Variants in CFH observed in about 807,000 individuals in gnomAD.
CFH encodes H factor 1 (complement).
Under a neutral mutation model 147.3 loss-of-function variants are expected in CFH, and 53 were observed. That is an observed-to-expected ratio of 0.36 (90% CI 0.29 to 0.45). The LOEUF (loss-of-function observed/expected upper bound fraction) is 0.45, where lower values mean the gene tolerates loss of function less well. Ranked by LOEUF, CFH falls within the 20% of genes least tolerant of loss-of-function variation. The pLI is 1.00. For synonymous variants in CFH, 536 were observed against 489.4 expected (o/e 1.10, Z -1.26); for missense variants, 1,380 against 1,498.0 (o/e 0.92, Z 1.30).
chr1:196,713,710 T>G (rs1668776964), intron 9 of CFH, 25 bp from the exon 10 acceptor site: 1 of 1,445,676 alleles, frequency 6.9e-7, no homozygotes, highest in African/African-American at 1.4e-5. Context: ...TATGCTTGTC[T>G]TTTTCTTATT....
In CFH at chr1:196,725,376, G is replaced by C. The variant is rs554671084; in HGVS notation, c.1873+79G>C. 2.8e-5 allele frequency: 39 copies of C among 1,372,348 alleles called. 1 individual carries two copies. Among genetic ancestry groups the C allele is most frequent in the Middle Eastern group, 1.8e-4 (1 of 5,570 alleles). The allele number at this position is 1,372,348 out of a possible 1,614,324, so 85.0% of individuals were successfully genotyped here. A position where few individuals can be genotyped will look rare whatever the true frequency, so the allele number is the denominator to read the frequency against. Reference sequence around the variant, plus strand: ...CTTTTTTCTTATTAATTTTGTTTGGGCTCCCATTGCCTGTAATCTAATGAA... The same window carrying C: ...CTTTTTTCTTATTAATTTTGTTTGGCCTCCCATTGCCTGTAATCTAATGAA... On this transcript the variant is annotated intron_variant, in intron 12 of 21. Coordinates refer to ENST00000367429, the MANE Select transcript of CFH (RefSeq NM_000186.4).
intron 15 of CFH, among the ~76,000 whole-genome samples, chr1:196,728,765 C>T (rs1362876779): frequency 1.3e-5 from 2 of 150,392 alleles, no homozygotes; most frequent in Non-Finnish European, 3.0e-5. Flanking sequence ...ACACATAAAC[C>T]AGGCACTACA....
Position 196,743,476 on chromosome 1 carries a change from C to T in CFH, c.3158C>T (p.Thr1053Ile), listed in dbSNP as rs1215608056. ...CRDTSCVNPP[T>I]VQNAYIVSRQ... Reference sequence around the variant, plus strand: ...GACACCTCCTGTGTGAATCCGCCCACAGTACAAAATGCTTATATAGTGTCG... The same window carrying T: ...GACACCTCCTGTGTGAATCCGCCCATAGTACAAAATGCTTATATAGTGTCG... Residue 1053 changes from threonine (T) to isoleucine (I), a missense_variant, in exon 20 of 22, where the codon ACA becomes ATA. Physicochemically the swap from Thr to Ile is moderately conservative, Grantham distance 89 (BLOSUM62 -1). Transcript: ENST00000367429. 2 of 1,613,864 alleles carry T rather than the reference C, an allele frequency of 1.2e-6. No homozygotes were observed. The highest frequency in any genetic ancestry group is 2.2e-5 in the South Asian group (2 of 91,082).
intron 11 of CFH, among the ~76,000 whole-genome samples, chr1:196,724,742 T>C (rs1249041568): frequency 6.6e-6 from 1 of 152,196 alleles, no homozygotes; most frequent in Non-Finnish European, 1.5e-5. Context: ...GTCATCTTGT[T>C]TTCAAAAAGC....
chr1:196,667,493 A>AG (rs1667140856), intron 1 of CFH, among the ~76,000 whole-genome samples: 1 of 152,216 alleles, frequency 6.6e-6, no homozygotes, highest in African/African-American at 2.4e-5. Flanking sequence ...TTTGCTTGAT[A>AG]TTAATACATT....
intron 9 of CFH, among the ~76,000 whole-genome samples, chr1:196,707,036 G>A (rs547194295): frequency 3.3e-5 from 5 of 152,112 alleles, no homozygotes; most frequent in South Asian, 2.1e-4. Context: ...CATCCAGTGT[G>A]ACCATAGTGC....
At chr1:196,661,607 C>T (rs1189990943) in intron 1 of CFH, among the ~76,000 whole-genome samples, 1 of 152,212 alleles carries the variant, frequency 6.6e-6, no homozygotes, top group African/African-American at 2.4e-5. Flanking sequence ...ATCATGACAG[C>T]TCCACCTTCA....
At chr1:196,703,049 T>G (rs1003615332) in intron 9 of CFH, among the ~76,000 whole-genome samples, 8 of 152,238 alleles carry the variant, frequency 5.3e-5, no homozygotes, top group African/African-American at 1.9e-4. Context: ...AGCTGAGGCA[T>G]TGGACATGTT....
intron 5 of CFH, 153 bp from the exon 6 acceptor site, chr1:196,679,470 A>G (rs1444980329): frequency 3.6e-6 from 2 of 548,208 alleles, no homozygotes; most frequent in Non-Finnish European, 6.5e-6. Flanking sequence ...CTTCAGATAA[A>G]TCATTTATTA....
At chr1:196,676,553 C>G (rs1037671405) in intron 4 of CFH, among the ~76,000 whole-genome samples, 1 of 152,056 alleles carries the variant, frequency 6.6e-6, no homozygotes, top group South Asian at 2.1e-4. Flanking sequence ...TTATTTCTCA[C>G]TGGTCTGTAA....
Position 196,713,751 on chromosome 1 carries a change from A to G in CFH, c.1353A>G (p.Ser451=). ...CCCTTTTAGAAACATGTTCCAAATC[A>G]AGTATAGATATTGAGAATGGGTTTA... ...RCIRVKTCSK[S]SIDIENGFIS... The change falls in exon 10 of 22, where the codon TCA becomes TCG. Residue 451 remains serine (S), a synonymous_variant. Transcript: ENST00000367429. 6.3e-7 allele frequency: 1 copy of G among 1,590,316 alleles called. No individual in the cohort carries two copies. The highest frequency in any genetic ancestry group is 8.6e-7 in the Non-Finnish European group (1 of 1,159,628).
chr1:196,696,852 A>G (rs907348561), intron 9 of CFH, among the ~76,000 whole-genome samples: 4 of 152,184 alleles, frequency 2.6e-5, no homozygotes, highest in African/African-American at 9.7e-5. Context: ...ATAATGCTAC[A>G]TATCCACAAC....
intron 9 of CFH, among the ~76,000 whole-genome samples, chr1:196,706,682 C>T (rs918483161): frequency 2.0e-5 from 3 of 152,150 alleles, no homozygotes; most frequent in Non-Finnish European, 4.4e-5. Flanking sequence ...GTATGGCAGG[C>T]ATGCCACCCT....
chr1:196,712,010 T>C (rs1668733930), intron 9 of CFH, among the ~76,000 whole-genome samples: 1 of 152,110 alleles, frequency 6.6e-6, no homozygotes, highest in African/African-American at 2.4e-5. Context: ...GAGTTTTGTT[T>C]CTTCTACTCA....
rs541146578 is a variant in CFH, at chr1:196,686,578, T to A, written c.964+1341T>A. 2.0e-5 allele frequency among the ~76,000 whole-genome samples: 3 copies of A among 152,194 alleles called. No individual in the cohort carries two copies. In the South Asian group the frequency reaches 6.2e-4, roughly 32 times the overall value. ...AACTATATATTCCATGAAAGAAAAA[T>A]ATGATACAAATGATTGATTAATGAC... is the stretch of plus-strand genomic sequence containing the variant. On this transcript the variant is annotated intron_variant, in intron 7 of 21. Transcript: ENST00000367429.
intron 7 of CFH, among the ~76,000 whole-genome samples, chr1:196,687,455 C>T (rs552219830): frequency 6.6e-6 from 1 of 151,430 alleles, no homozygotes; most frequent in African/African-American, 2.4e-5. Context: ...TTTAATTATG[C>T]CTCCTTTTTA....
chr1:196,661,062 T>C (rs907350992), intron 1 of CFH, among the ~76,000 whole-genome samples: 2 of 152,324 alleles, frequency 1.3e-5, no homozygotes, highest in Non-Finnish European at 2.9e-5. Flanking sequence ...TAATCAGTTT[T>C]CCTTTTGTGC....
chr1:196,682,309 A>C (rs1667684487), intron 6 of CFH, among the ~76,000 whole-genome samples: 2 of 151,762 alleles, frequency 1.3e-5, no homozygotes, highest in Non-Finnish European at 3.0e-5. Flanking sequence ...GTTGTTTCCA[A>C]TAGTAGGAAA....
chr1:196,673,712 T>A, intron 2 of CFH, 145 bp from the exon 3 acceptor site: 1 of 659,556 alleles, frequency 1.5e-6, no homozygotes. Flanking sequence ...AGTTCAATTA[T>A]GAAATAATGG....
Sources: gnomAD v4.1 joint callset for allele counts (sites outside exome capture counted in the v4.1 genomes callset) on GRCh38, gnomAD v4.1.1 for gene constraint, MANE v1.5 for transcripts, NCBI Gene and HGNC (gene_info 2026-07-23, HGNC 2026-07-21) for gene names.